The following RBM39 variants were observed in gnomAD, a reference collection of about 807,000 sequenced individuals.
RBM39 encodes RNA binding motif protein 39.
RBM39 carries 12 observed loss-of-function variants against 79.6 expected under a neutral mutation model. The ratio of observed to expected loss-of-function variants is 0.15; its 90% CI spans 0.10 to 0.24. RBM39 has a LOEUF of 0.24. Among genes scored for constraint, RBM39 ranks in the 10% least tolerant of loss-of-function variants. The pLI is 1.00. For synonymous variants in RBM39, 185 were observed against 208.4 expected, an observed-to-expected ratio of 0.89 and a Z score of 0.97; for missense variants, 243 against 653.4, an observed-to-expected ratio of 0.37 and a Z score of 6.85.
At chr20:35,723,769 G>A (rs932527536) in intron 8 of RBM39, among the ~76,000 whole-genome samples, 15 of 152,172 alleles carry the variant, frequency 9.9e-5, no homozygotes, top group South Asian at 8.3e-4. Flanking sequence ...CTGTCAAAGC[G>A]CTGTGCGGCT....
intron 11 of RBM39, 28 bp downstream of exon 11, chr20:35,714,157 A>G (rs2146535797): frequency 6.2e-7 from 1 of 1,601,622 alleles, no homozygotes; most frequent in Non-Finnish European, 8.5e-7. Context: ...CCCACAGTAA[A>G]TCATTCGTAA....
chr20:35,738,224 C>A (rs372468548), intron 3 of RBM39, among the ~76,000 whole-genome samples: 2 of 151,670 alleles, frequency 1.3e-5, no homozygotes, highest in Non-Finnish European at 1.5e-5. Context: ...GCCCAGACTG[C>A]GCCACTGCGC....
At chr20:35,713,941 T>C (rs2036790284) in intron 11 of RBM39, 1 of 456,268 alleles carries the variant, frequency 2.2e-6, no homozygotes, top group Middle Eastern at 5.9e-4. Flanking sequence ...AAGTATGACA[T>C]ATAAACACTA....
rs537612768 is a variant in RBM39 at position 35,727,089 on chromosome 20, G to A, written c.417-1934C>T. ...GTTACAGGCATGAGCCACCACGCCA[G>A]GCACAAAAGCTTTTAAGGCCGGGAG... On this transcript the variant is annotated intron_variant, in intron 6 of 16. Coordinates refer to ENST00000253363, the MANE Select transcript of RBM39 (RefSeq NM_184234.3). 4.4e-4 allele frequency among the ~76,000 whole-genome samples: 67 copies of A among 152,142 alleles called. 1 individual carries two copies. The South Asian group carries it at 0.014, about 31-fold the overall frequency.
At chr20:35,740,724 C>G in intron 2 of RBM39, 100 bp downstream of exon 2, 2 of 1,355,558 alleles carry the variant, frequency 1.5e-6, no homozygotes, top group Non-Finnish European at 2.1e-6. Context: ...TAAGATAAAT[C>G]AAGAGGGCTC....
chr20:35,718,577 C>T (rs780442979), intron 9 of RBM39, among the ~76,000 whole-genome samples: 2 of 151,526 alleles, frequency 1.3e-5, no homozygotes, highest in Non-Finnish European at 2.9e-5. Flanking sequence ...TTTGGGAGGC[C>T]GAGGAGGGCG....
At chr20:35,711,339 G>A (rs1240065074) in intron 12 of RBM39, among the ~76,000 whole-genome samples, 2 of 152,036 alleles carry the variant, frequency 1.3e-5, no homozygotes, top group Non-Finnish European at 2.9e-5. Flanking sequence ...ATAAACTCTA[G>A]GTAATGAGTT....
At chr20:35,711,071 C>T (rs1394906783) in intron 12 of RBM39, among the ~76,000 whole-genome samples, 4 of 152,158 alleles carry the variant, frequency 2.6e-5, no homozygotes, top group Non-Finnish European at 5.9e-5. Flanking sequence ...AGTGGATAAT[C>T]TTCAGTTAAC....
At chr20:35,705,787 C>CAA (rs201075378) in intron 14 of RBM39, among the ~76,000 whole-genome samples, 43 of 127,524 alleles carry the variant, frequency 3.4e-4, no homozygotes, top group South Asian at 7.2e-4. Flanking sequence ...AACTCCGTCT[C>CAA]AAAAAAAAAA....
chr20:35,705,106 G>T, intron 15 of RBM39, 119 bp downstream of exon 15: 2 of 671,424 alleles, frequency 3.0e-6, no homozygotes, highest in Non-Finnish European at 2.6e-6. Flanking sequence ...CTACTTTCAG[G>T]CACACACACA....
chr20:35,733,633 T>C (rs1386970124), intron 3 of RBM39, among the ~76,000 whole-genome samples: 1 of 139,880 alleles, frequency 7.1e-6, no homozygotes, highest in Non-Finnish European at 1.6e-5. Context: ...GAAAAAGAAC[T>C]AACGCATTAA....
chr20:35,707,187 C>A lies in RBM39; in HGVS notation c.1240G>T (p.Ala414Ser). The A allele has an allele frequency of 6.2e-7, 1 of 1,606,712 alleles. No individual in the cohort carries two copies. Among genetic ancestry groups the A allele is most frequent in the Non-Finnish European group, 8.5e-7 (1 of 1,175,138 alleles). ...GCAAGTGGCTGAACAGAGGCAGCTG[C>A]AGCTAAAGCTGAAGCTAAAAAAAGA... ...SQQTEASALAAAASVQPLATQ... is the reference protein window; with the variant it reads ...SQQTEASALASAASVQPLATQ... Residue 414 changes from alanine (A) to serine (S), a missense_variant, in exon 14 of 17, where the codon GCA (alanine) becomes TCA (serine). Around this residue, in one of 4 missense-constraint regions of RBM39, gnomAD observed 19 missense variants for 16.1 expected, o/e 1.18. Transcript: ENST00000253363.
chr20:35,723,164 C>T (rs187650745), intron 8 of RBM39, among the ~76,000 whole-genome samples: 1 of 150,916 alleles, frequency 6.6e-6, no homozygotes, highest in South Asian at 2.1e-4. Flanking sequence ...TATGCCATAA[C>T]ATAAAACTGT....
At chr20:35,733,415 C>T (rs12479629) in intron 3 of RBM39, among the ~76,000 whole-genome samples, 1 of 151,796 alleles carries the variant, frequency 6.6e-6, no homozygotes, top group African/African-American at 2.4e-5. Context: ...CAAGACCAGC[C>T]TAGTCGACAC....
intron 12 of RBM39, 70 bp downstream of exon 12, chr20:35,712,949 T>C (rs1600420341): frequency 7.9e-7 from 1 of 1,267,936 alleles, no homozygotes; most frequent in Admixed American, 2.3e-5. Context: ...TCCTTTTAAA[T>C]GTAAAAATTT....
chr20:35,725,761 T>C (rs1443390999), intron 6 of RBM39, among the ~76,000 whole-genome samples: 2 of 151,304 alleles, frequency 1.3e-5, no homozygotes, highest in Non-Finnish European at 2.9e-5. Flanking sequence ...CTCCCTGAGT[T>C]CAAGCAATTC....
At chr20:35,709,095 T>C (rs575898421) in intron 13 of RBM39, 129 bp downstream of exon 13, 2 of 693,280 alleles carry the variant, frequency 2.9e-6, no homozygotes, top group East Asian at 5.4e-5. Flanking sequence ...TATACCACTA[T>C]GTGTCACTGT....
chr20:35,717,022 G>T (rs1014664617), intron 9 of RBM39, among the ~76,000 whole-genome samples: 2 of 152,038 alleles, frequency 1.3e-5, no homozygotes, highest in African/African-American at 4.8e-5. Flanking sequence ...GTCGGCGCCT[G>T]TAATCCCAGC....
rs2040604138 is a variant in RBM39 at position 35,742,022 on chromosome 20, G to C, written c.-95C>G. The C allele has an allele frequency of 4.0e-6, 1 of 250,072 alleles. No individual in the cohort carries two copies. The highest frequency in any genetic ancestry group is 2.4e-5 in the African/African-American group (1 of 42,354). 15.5% of individuals were successfully genotyped at this position (250,072 alleles called of 1,614,324 possible). A position where few individuals can be genotyped will look rare whatever the true frequency, so the allele number is the denominator to read the frequency against. ...TGCTGCTGCTGCTGCCGCCGCCGCC[G>C]CTTCTGTTGCTACTGTTAAGCCCCT... On this transcript the variant is annotated 5_prime_UTR_variant, in exon 1 of 17. Transcript: ENST00000253363.
Sources: gnomAD v4.1 joint callset for allele counts (sites outside exome capture counted in the v4.1 genomes callset) on GRCh38, gnomAD v4.1.1 for gene constraint, gnomAD v4.1.1 regional missense constraint, MANE v1.5 for transcripts, NCBI Gene and HGNC (gene_info 2026-07-23, HGNC 2026-07-21) for gene names.